ADGRB3: variants seen among roughly 807,000 people sequenced by gnomAD.
ADGRB3 encodes brain-specific angiogenesis inhibitor 3.
Under a neutral mutation model 193.4 loss-of-function variants are expected in ADGRB3, and 37 were observed. The observed-to-expected ratio is 0.19, with a 90% confidence interval of 0.15 to 0.25. ADGRB3 has a LOEUF of 0.25. ADGRB3 is among the 10% of genes least tolerant of loss of function. ADGRB3 has a pLI of 1.00. For synonymous variants in ADGRB3, 690 were observed against 644.2 expected (o/e 1.07, Z -1.08); for missense variants, 1,637 against 1,852.9 (o/e 0.88, Z 2.14).
At chr6:69,142,590 C>T (rs564078968) in intron 17 of ADGRB3, among the ~76,000 whole-genome samples, 9 of 152,282 alleles carry the variant, frequency 5.9e-5, no homozygotes, top group African/African-American at 1.7e-4. Flanking sequence ...ACAAGCCTAT[C>T]GCTGAGGATG....
chr6:69,309,178 A>G (rs1449987905), intron 20 of ADGRB3, among the ~76,000 whole-genome samples: 1 of 151,730 alleles, frequency 6.6e-6, no homozygotes, highest in Non-Finnish European at 1.5e-5. Context: ...ACAAATATTT[A>G]TTGGATAAAA....
At chr6:68,834,555 C>A (rs1470390880) in intron 3 of ADGRB3, among the ~76,000 whole-genome samples, 2 of 152,060 alleles carry the variant, frequency 1.3e-5, no homozygotes, top group Non-Finnish European at 2.9e-5. Flanking sequence ...AACAAAGCAA[C>A]TTAAAAAAAT....
intron 3 of ADGRB3, among the ~76,000 whole-genome samples, chr6:68,828,196 T>C (rs537021945): frequency 2.3e-3 from 353 of 152,262 alleles, no homozygotes; most frequent in African/African-American, 8.0e-3. Flanking sequence ...CCTTTTTTTT[T>C]TCCTCAATTT....
At chr6:68,950,845 C>T (rs945659268) in intron 6 of ADGRB3, among the ~76,000 whole-genome samples, 3 of 151,922 alleles carry the variant, frequency 2.0e-5, no homozygotes, top group African/African-American at 7.3e-5. Flanking sequence ...CGCATTCTTG[C>T]CCCTGTACCA....
intron 3 of ADGRB3, among the ~76,000 whole-genome samples, chr6:68,785,917 G>T (rs1328331899): frequency 6.6e-6 from 1 of 152,104 alleles, no homozygotes; most frequent in Non-Finnish European, 1.5e-5. Flanking sequence ...GTGATGATGA[G>T]CATTTTTTCA....
At chr6:68,914,698 C>T (rs1766827102) in intron 3 of ADGRB3, among the ~76,000 whole-genome samples, 2 of 152,024 alleles carry the variant, frequency 1.3e-5, no homozygotes, top group African/African-American at 2.4e-5. Flanking sequence ...ATTTATGTTC[C>T]ATAAAAGAAA....
chr6:69,152,268 T>G (rs1774701968), intron 17 of ADGRB3, among the ~76,000 whole-genome samples: 1 of 152,170 alleles, frequency 6.6e-6, no homozygotes, highest in South Asian at 2.1e-4. Context: ...CAAATGGAAT[T>G]CTCTTGTGGA....
intron 3 of ADGRB3, among the ~76,000 whole-genome samples, chr6:68,722,630 C>T (rs1201540844): frequency 4.0e-5 from 6 of 148,832 alleles, no homozygotes; most frequent in African/African-American, 1.5e-4. Context: ...CTGAATCTAT[C>T]AGGTTACTTC....
intron 8 of ADGRB3, among the ~76,000 whole-genome samples, chr6:68,969,869 T>G (rs1167319704): frequency 1.3e-5 from 2 of 152,238 alleles, no homozygotes; most frequent in African/African-American, 4.8e-5. Context: ...GAAGGCAAAC[T>G]ATCTTAAAAT....
At chr6:69,017,241 G>C (rs1052182930) in intron 12 of ADGRB3, among the ~76,000 whole-genome samples, 1 of 151,878 alleles carries the variant, frequency 6.6e-6, no homozygotes, top group African/African-American at 2.4e-5. Flanking sequence ...ACATGTGCCT[G>C]CTATCCCTTT....
chr6:69,364,919 C>T (rs996206411), intron 29 of ADGRB3, among the ~76,000 whole-genome samples: 3 of 152,042 alleles, frequency 2.0e-5, no homozygotes, highest in Non-Finnish European at 2.9e-5. Context: ...TTCTCAAGCA[C>T]TTGAGGACTA....
At chr6:68,851,131 G>C (rs1300404327) in intron 3 of ADGRB3, among the ~76,000 whole-genome samples, 2 of 151,778 alleles carry the variant, frequency 1.3e-5, no homozygotes, top group Non-Finnish European at 2.9e-5. Context: ...ATAAAACATG[G>C]GTAACGTGTT....
At chr6:69,201,537 G>C (rs1765416845) in intron 17 of ADGRB3, among the ~76,000 whole-genome samples, 1 of 151,828 alleles carries the variant, frequency 6.6e-6, no homozygotes, top group Admixed American at 6.6e-5. Context: ...ACATGTTCTA[G>C]AGTTCTGGGT....
intron 3 of ADGRB3, among the ~76,000 whole-genome samples, chr6:68,775,255 A>C (rs766801918): frequency 1.3e-5 from 2 of 151,850 alleles, no homozygotes; most frequent in Non-Finnish European, 2.9e-5. Context: ...ATGGGAGTCA[A>C]GATGAAAAAG....
chr6:68,783,756 A>G (rs554073715), intron 3 of ADGRB3, among the ~76,000 whole-genome samples: 9 of 152,092 alleles, frequency 5.9e-5, no homozygotes, highest in Admixed American at 2.0e-4. Flanking sequence ...GAGAGTCCTA[A>G]TCAGTTTTGT....
At chr6:68,839,300 C>T (rs910026847) in intron 3 of ADGRB3, among the ~76,000 whole-genome samples, 1 of 152,148 alleles carries the variant, frequency 6.6e-6, no homozygotes, top group African/African-American at 2.4e-5. Context: ...TCCTCTGCTC[C>T]AGTGTTGTAA....
chr6:69,252,383 A>G lies in ADGRB3; in HGVS notation c.2814+13157A>G, dbSNP rs1766642495. ...TCAAAATTTTTGTAAAAATCTTTGT[A>G]TGGACATGTATTTTCATTTCTTCTG... On this transcript the variant is annotated intron_variant, in intron 20 of 31. Coordinates refer to ENST00000370598, the MANE Select transcript of ADGRB3 (RefSeq NM_001704.3). Among the ~76,000 whole-genome samples, 2 of 152,096 alleles carry G rather than the reference A, an allele frequency of 1.3e-5. 1 individual carries two copies. The highest frequency in any genetic ancestry group is 4.1e-4 in the South Asian group (2 of 4,834).
intron 29 of ADGRB3, among the ~76,000 whole-genome samples, chr6:69,371,896 C>T (rs1769715018): frequency 6.6e-6 from 1 of 152,040 alleles, no homozygotes; most frequent in African/African-American, 2.4e-5. Flanking sequence ...TATCAAATTA[C>T]AAGAAATATG....
intron 3 of ADGRB3, among the ~76,000 whole-genome samples, chr6:68,683,746 A>G (rs922604257): frequency 6.6e-6 from 1 of 152,168 alleles, no homozygotes; most frequent in African/African-American, 2.4e-5. Flanking sequence ...GTGACGTCTG[A>G]TTTAAGTTTA....
Sources: gnomAD v4.1 joint callset for allele counts (sites outside exome capture counted in the v4.1 genomes callset) on GRCh38, gnomAD v4.1.1 for gene constraint, MANE v1.5 for transcripts, NCBI Gene and HGNC (gene_info 2026-07-23, HGNC 2026-07-21) for gene names.